Variants in APLP2 observed in about 807,000 individuals in gnomAD.
APLP2 encodes CDEI box-binding protein.
A neutral mutation model predicts 89.9 loss-of-function variants in APLP2; 53 were observed. The observed-to-expected ratio is 0.59, with a 90% CI of 0.47 to 0.74. APLP2 has a LOEUF of 0.74. Ranked by LOEUF, APLP2 falls within the 30% of genes least tolerant of loss-of-function variation. The probability of loss-of-function intolerance (pLI) is 0.00; values close to 1 mark genes in which losing one functional copy is unlikely to be tolerated. For missense variants in APLP2, 973 were observed against 975.9 expected, an observed-to-expected ratio of 1.00 and a Z score of 0.04; for synonymous variants, 372 against 348.6, an observed-to-expected ratio of 1.07 and a Z score of -0.75.
intron 4 of APLP2, among the ~76,000 whole-genome samples, chr11:130,121,322 C>G (rs1257830107): frequency 6.6e-6 from 1 of 152,198 alleles, no homozygotes; most frequent in East Asian, 1.9e-4. Flanking sequence ...ACATTGACCA[C>G]CTTATCTGGC....
intron 1 of APLP2, among the ~76,000 whole-genome samples, chr11:130,094,217 C>G (rs905774185): frequency 2.6e-5 from 4 of 151,870 alleles, no homozygotes; most frequent in African/African-American, 9.7e-5. Flanking sequence ...CCATGCCCAG[C>G]TAATTTTGTA....
intron 3 of APLP2, among the ~76,000 whole-genome samples, chr11:130,115,024 G>A (rs1431801416): frequency 2.0e-5 from 3 of 151,884 alleles, no homozygotes; most frequent in Admixed American, 2.0e-4. Context: ...TTCCACTCTC[G>A]AGAGGTAGCG....
chr11:130,100,508 G>T (rs925955821), intron 1 of APLP2: 10 of 151,904 alleles, frequency 6.6e-5, no homozygotes, highest in African/African-American at 2.4e-4. Context: ...ACTTCCCTTA[G>T]CTCTCATGTC....
chr11:130,082,723 T>C, intron 1 of APLP2: 1 of 224,404 alleles, frequency 4.5e-6, no homozygotes, highest in South Asian at 5.4e-5. Context: ...TTGGTGCATT[T>C]GGGACAGCCT....
intron 9 of APLP2, among the ~76,000 whole-genome samples, chr11:130,128,247 T>G (rs1052556012): frequency 6.6e-6 from 1 of 152,224 alleles, no homozygotes; most frequent in Non-Finnish European, 1.5e-5. Context: ...AGACTATAAC[T>G]AAAATCATAG....
Position 130,116,519 on chromosome 11 carries a change from G to A in APLP2, c.404-4187G>A, listed in dbSNP as rs769124753. 5.2e-4 allele frequency among the ~76,000 whole-genome samples: 79 copies of A among 151,904 alleles called. 1 individual carries two copies. The highest frequency in any genetic ancestry group is 8.3e-4 in the South Asian group (4 of 4,796). ...TTCTTTTTCTTTTTAAGACAGGGTC[G>A]CCGTCACCCAGGCTGGAGTGCAGTG... On this transcript the variant is annotated intron_variant, in intron 3 of 16. Transcript: ENST00000338167.
chr11:130,072,352 AAAGGATGTC>A (rs1176816997), intron 1 of APLP2, among the ~76,000 whole-genome samples: 7 of 152,288 alleles, frequency 4.6e-5, no homozygotes, highest in African/African-American at 1.7e-4. Context: ...AACCCAAATT[AAAGGATGTC>A]AACTGAGGCA....
At chr11:130,074,703 A>G (rs76496549) in intron 1 of APLP2, among the ~76,000 whole-genome samples, 17,047 of 152,246 alleles carry the variant, frequency 0.11, 1,234 homozygotes, top group East Asian at 0.25. Context: ...TTACTGTAAT[A>G]TTGTATATAC....
At chr11:130,090,249 T>TC (rs1944727720) in intron 1 of APLP2, among the ~76,000 whole-genome samples, 1 of 112,046 alleles carries the variant, frequency 8.9e-6, no homozygotes, top group South Asian at 2.5e-4. Context: ...AGCTCTGTCT[T>TC]TTTTTTTTTT....
intron 3 of APLP2, among the ~76,000 whole-genome samples, chr11:130,113,007 G>T (rs3758816): frequency 0.097 from 14,808 of 152,144 alleles, 1,062 homozygotes; most frequent in African/African-American, 0.19. Flanking sequence ...TTTAAAGGGA[G>T]CCTTTCCTGG....
intron 3 of APLP2, among the ~76,000 whole-genome samples, chr11:130,115,674 A>G (rs1949079210): frequency 6.6e-6 from 1 of 152,260 alleles, no homozygotes; most frequent in South Asian, 2.1e-4. Flanking sequence ...GGATGTTACC[A>G]GCTTGAATAT....
intron 1 of APLP2, among the ~76,000 whole-genome samples, chr11:130,089,081 T>G (rs915098112): frequency 6.6e-6 from 1 of 152,138 alleles, no homozygotes; most frequent in Admixed American, 6.5e-5. Context: ...GTCCAATTTC[T>G]TTGGCTGTTA....
chr11:130,077,612 T>TAAA (rs573298331), intron 1 of APLP2, among the ~76,000 whole-genome samples: 65 of 145,036 alleles, frequency 4.5e-4, no homozygotes, highest in East Asian at 1.2e-3. Flanking sequence ...GTTTTAGCCT[T>TAAA]AAAAAAAAAA....
chr11:130,122,179 C>T (rs996623690), intron 5 of APLP2, 126 bp from the exon 6 acceptor site: 11 of 1,141,774 alleles, frequency 9.6e-6, no homozygotes, highest in South Asian at 2.9e-5. Flanking sequence ...CTTAGTGGCA[C>T]GGTGAAATGT....
intron 1 of APLP2, among the ~76,000 whole-genome samples, chr11:130,076,479 C>T (rs1942142079): frequency 6.6e-6 from 1 of 152,090 alleles, no homozygotes; most frequent in Non-Finnish European, 1.5e-5. Flanking sequence ...AGTTACGGTT[C>T]CCTGTAGAGA....
chr11:130,135,500 C>G, intron 12 of APLP2, 63 bp from the exon 13 acceptor site: 1 of 1,569,540 alleles, frequency 6.4e-7, no homozygotes, highest in Non-Finnish European at 8.7e-7. Context: ...TCTAGAGCAT[C>G]CTGTGCCTGG....
intron 1 of APLP2, among the ~76,000 whole-genome samples, chr11:130,086,403 T>C (rs1944129663): frequency 1.3e-5 from 2 of 152,196 alleles, no homozygotes; most frequent in Non-Finnish European, 2.9e-5. Flanking sequence ...ATTGTTGGAG[T>C]TCTTTATATA....
In APLP2 at chr11:130,104,115, A is replaced by G. The variant is rs866239372; in HGVS notation, c.106-5314A>G. The stretch of plus-strand genomic sequence containing the variant: ...ATATCCCTGGGGTTTCCTTACCTTT[A>G]TCTTTGGATATCCCCATTTTTCTCG... On this transcript the variant is annotated intron_variant, in intron 1 of 16. Transcript: ENST00000338167. Among the ~76,000 whole-genome samples the G allele has an allele frequency of 5.4e-5, 8 of 149,084 alleles. No individual in the cohort carries two copies. In the East Asian group the frequency reaches 9.9e-4, roughly 19 times the overall value.
intron 3 of APLP2, among the ~76,000 whole-genome samples, chr11:130,120,037 AT>A (rs1416245972): frequency 6.6e-6 from 1 of 152,032 alleles, no homozygotes; most frequent in Non-Finnish European, 1.5e-5. Context: ...CTGAGTTTGG[AT>A]TTGTCTTAGT....
Sources: gnomAD v4.1 joint callset for allele counts (sites outside exome capture counted in the v4.1 genomes callset) on GRCh38, gnomAD v4.1.1 for gene constraint, MANE v1.5 for transcripts, NCBI Gene and HGNC (gene_info 2026-07-23, HGNC 2026-07-21) for gene names.